TWIST2: variants seen among roughly 807,000 people sequenced by gnomAD.
The protein encoded by TWIST2 is twist-related protein 2.
TWIST2 carries 1 observed loss-of-function variant against 11.6 expected under a neutral mutation model. That is an observed-to-expected ratio of 0.09 (90% CI 0.03 to 0.41). The LOEUF (loss-of-function observed/expected upper bound fraction) is 0.41, where lower values mean the gene tolerates loss of function less well. Among genes scored for constraint, TWIST2 ranks in the 10% least tolerant of loss-of-function variants. The probability of loss-of-function intolerance (pLI) is 0.98; values close to 1 mark genes in which losing one functional copy is unlikely to be tolerated. For missense variants in TWIST2, 168 were observed against 226.4 expected, an observed-to-expected ratio of 0.74 and a Z score of 1.66; for synonymous variants, 87 against 96.6, an observed-to-expected ratio of 0.90 and a Z score of 0.58.
chr2:238,870,453 A>G (rs1180687027), intron 1 of TWIST2, among the ~76,000 whole-genome samples: 2 of 147,692 alleles, frequency 1.4e-5, no homozygotes, highest in Admixed American at 1.4e-4. Flanking sequence ...CACACCCCAC[A>G]CACACCACAC....
chr2:238,901,556 C>T (rs1439326261), intron 1 of TWIST2, among the ~76,000 whole-genome samples: 12 of 152,154 alleles, frequency 7.9e-5, no homozygotes, highest in African/African-American at 4.8e-5. Context: ...GAGTGGCCCT[C>T]GGGTCCCTGG....
In TWIST2 at chr2:238,885,751, A is replaced by T. The variant is rs116471470; in HGVS notation, c.*36-24091A>T. Among the ~76,000 whole-genome samples, 1,126 of 152,312 alleles carry T rather than the reference A, an allele frequency of 7.4e-3. 21 individuals are homozygous for T. The highest frequency in any genetic ancestry group is 0.026 in the African/African-American group (1,084 of 41,556). ...AGAACCAATGGGTTTTATACATTTT[A>T]AAGTATATTTGTAATCTCAGTTTTA... is the stretch of plus-strand genomic sequence containing the variant. On this transcript the variant is annotated intron_variant, in intron 1 of 1. Transcript: ENST00000612363.
chr2:238,909,004 G>T (rs1693406110), intron 1 of TWIST2, among the ~76,000 whole-genome samples: 2 of 106,672 alleles, frequency 1.9e-5, no homozygotes, highest in South Asian at 3.1e-4. Context: ...ATGTTTGTGT[G>T]GTGTGTGTGT....
chr2:238,902,761 G>A (rs1170444128), intron 1 of TWIST2, among the ~76,000 whole-genome samples: 1 of 145,374 alleles, frequency 6.9e-6, no homozygotes, highest in Non-Finnish European at 1.5e-5. Flanking sequence ...ATGGGTATGT[G>A]CGTGATGTGA....
chr2:238,901,357 T>G (rs1263151746), intron 1 of TWIST2, among the ~76,000 whole-genome samples: 1 of 152,248 alleles, frequency 6.6e-6, no homozygotes, highest in Admixed American at 6.5e-5. Flanking sequence ...TTTAAATTTT[T>G]TAAAACTTCT....
chr2:238,863,593 C>T lies in TWIST2; in HGVS notation c.*35+14860C>T, dbSNP rs1414474212. ...GTGTTAGCATCCTCATTTCTTCTGC[C>T]TTTTTTTCACTCCTCTCTACGTAGT... On this transcript the variant is annotated intron_variant, in intron 1 of 1. Coordinates refer to ENST00000612363, the MANE Select transcript of TWIST2 (RefSeq NM_001271893.4). The surrounding 1 kb of genome is among the most constrained non-coding windows in gnomAD (Gnocchi z 4.7). 6.6e-6 allele frequency among the ~76,000 whole-genome samples: 1 copy of T among 152,066 alleles called. No individual in the cohort carries two copies. The highest frequency in any genetic ancestry group is 2.4e-5 in the African/African-American group (1 of 41,398).
intron 1 of TWIST2, among the ~76,000 whole-genome samples, chr2:238,900,889 T>C (rs1693261113): frequency 6.6e-6 from 1 of 152,154 alleles, no homozygotes; most frequent in African/African-American, 2.4e-5. Context: ...GTCTGAAGAT[T>C]ATCCTGATAA....
At chr2:238,894,811 C>T (rs1244488660) in intron 1 of TWIST2, among the ~76,000 whole-genome samples, 2 of 152,154 alleles carry the variant, frequency 1.3e-5, no homozygotes, top group Non-Finnish European at 2.9e-5. Context: ...GCTCTCCAAA[C>T]CCTCAGAAAC....
At chr2:238,889,665 T>C (rs1376226514) in intron 1 of TWIST2, among the ~76,000 whole-genome samples, 1 of 152,228 alleles carries the variant, frequency 6.6e-6, no homozygotes, top group Non-Finnish European at 1.5e-5. Context: ...TAAGCTGCAG[T>C]GAATAGTCCT....
rs973491212 is a variant in TWIST2 at position 238,863,921 on chromosome 2, T to C, written c.*35+15188T>C. Reference sequence around the variant, plus strand: ...CTACCCCCTATCCTGGGGGCATCCCTGTGTGCCAGCTTCTCCAGAACCTAC... The same window carrying C: ...CTACCCCCTATCCTGGGGGCATCCCCGTGTGCCAGCTTCTCCAGAACCTAC... On this transcript the variant is annotated intron_variant, in intron 1 of 1. Transcript: ENST00000612363. The surrounding 1 kb of genome is among the most constrained non-coding windows in gnomAD (Gnocchi z 4.7). Among the ~76,000 whole-genome samples the C allele has an allele frequency of 6.6e-6, 1 of 152,170 alleles. No individual in the cohort carries two copies. Among genetic ancestry groups the C allele is most frequent in the Non-Finnish European group, 1.5e-5 (1 of 68,032 alleles).
At chr2:238,891,013 T>C (rs1693122494) in intron 1 of TWIST2, among the ~76,000 whole-genome samples, 1 of 152,210 alleles carries the variant, frequency 6.6e-6, no homozygotes, top group South Asian at 2.1e-4. Flanking sequence ...TCACTCCTGT[T>C]CTCGGATCCC....
intron 1 of TWIST2, among the ~76,000 whole-genome samples, chr2:238,865,651 G>T (rs1444997364): frequency 6.6e-6 from 1 of 151,758 alleles, no homozygotes; most frequent in Non-Finnish European, 1.5e-5. Context: ...CTTTGAATTT[G>T]CAGGGCCAGG....
At chr2:238,859,964 C>G (rs146035988) in intron 1 of TWIST2, among the ~76,000 whole-genome samples, 8 of 152,272 alleles carry the variant, frequency 5.3e-5, no homozygotes, top group African/African-American at 1.9e-4. Flanking sequence ...AGCCTCCATG[C>G]TGCTTGCAGT....
chr2:238,867,803 G>A lies in TWIST2; in HGVS notation c.*35+19070G>A, dbSNP rs189885211. 4.9e-4 allele frequency among the ~76,000 whole-genome samples: 75 copies of A among 152,296 alleles called. No individual in the cohort carries two copies. Among genetic ancestry groups the A allele is most frequent in the African/African-American group, 1.3e-3 (52 of 41,560 alleles). The stretch of plus-strand genomic sequence containing the variant: ...TTAGGAGGCCAGGAGGGAAGCAGCC[G>A]TTCCCAGAGCTGAGGGGCATCCCTC... On this transcript the variant is annotated intron_variant, in intron 1 of 1. Coordinates refer to ENST00000612363, the MANE Select transcript of TWIST2 (RefSeq NM_001271893.4). This position sits in a 1 kb window ranked among gnomAD's most constrained non-coding sequence, Gnocchi z 4.8.
intron 1 of TWIST2, among the ~76,000 whole-genome samples, chr2:238,854,854 G>A (rs1386452218): frequency 6.6e-6 from 1 of 152,156 alleles, no homozygotes; most frequent in Non-Finnish European, 1.5e-5. Flanking sequence ...TTCTTTGTCT[G>A]TTCTACTTTG....
chr2:238,856,463 T>C (rs1202700356), intron 1 of TWIST2, among the ~76,000 whole-genome samples: 3 of 152,220 alleles, frequency 2.0e-5, no homozygotes, highest in African/African-American at 7.2e-5. Flanking sequence ...TGGAACAATG[T>C]AATTTCCATG....
chr2:238,886,040 G>A (rs1693029143), intron 1 of TWIST2, among the ~76,000 whole-genome samples: 1 of 150,280 alleles, frequency 6.7e-6, no homozygotes, highest in Non-Finnish European at 1.5e-5. Flanking sequence ...AGGTTGCAGT[G>A]AGCCGAGATT....
At chr2:238,900,344 C>G (rs925201166) in intron 1 of TWIST2, among the ~76,000 whole-genome samples, 1 of 152,174 alleles carries the variant, frequency 6.6e-6, no homozygotes, top group African/African-American at 2.4e-5. Context: ...CAGATGTGCC[C>G]GGTGTGGCCA....
chr2:238,864,128 C>T lies in TWIST2; in HGVS notation c.*35+15395C>T, dbSNP rs1348747541. On this transcript the variant is annotated intron_variant, in intron 1 of 1. Transcript: ENST00000612363. The surrounding 1 kb of genome is among the most constrained non-coding windows in gnomAD (Gnocchi z 4.7). ...TCTGGGACCACCTTTGCCAGATGAC[C>T]AAATCCTTTTCGGAGAGATGACTGA... Among the ~76,000 whole-genome samples, 1 of 152,068 alleles carries T rather than the reference C, an allele frequency of 6.6e-6. No homozygotes were observed. The highest frequency in any genetic ancestry group is 2.4e-5 in the African/African-American group (1 of 41,376).
Sources: allele counts gnomAD v4.1 joint callset (sites outside exome capture counted in the v4.1 genomes callset), GRCh38; gene constraint gnomAD v4.1.1; non-coding constraint Gnocchi (gnomAD v3.1); transcripts MANE v1.5; gene names NCBI Gene and HGNC (gene_info 2026-07-23, HGNC 2026-07-21).